BMP6: variants seen among roughly 807,000 people sequenced by gnomAD.
BMP6 encodes VG-1-R.
A neutral mutation model predicts 54.1 loss-of-function variants in BMP6; 17 were observed. The ratio of observed to expected loss-of-function variants is 0.31; its 90% confidence interval spans 0.22 to 0.47. BMP6 has a LOEUF of 0.47. Ranked by LOEUF, BMP6 falls within the 20% of genes least tolerant of loss-of-function variation. The pLI is 1.00. For synonymous variants in BMP6, 328 were observed against 291.2 expected, an observed-to-expected ratio of 1.13 and a Z score of -1.28; for missense variants, 720 against 690.4, an observed-to-expected ratio of 1.04 and a Z score of -0.48.
At chr6:7,874,115 G>A (rs573822958) in intron 4 of BMP6, among the ~76,000 whole-genome samples, 1 of 152,302 alleles carries the variant, frequency 6.6e-6, no homozygotes, top group South Asian at 2.1e-4. Context: ...GGCAGGAGAG[G>A]AAAGAGTGAG....
chr6:7,785,723 G>A (rs1297453312), intron 1 of BMP6, among the ~76,000 whole-genome samples: 1 of 152,036 alleles, frequency 6.6e-6, no homozygotes, highest in Non-Finnish European at 1.5e-5. Context: ...TGGAGGGAGA[G>A]GACATGGCTG....
At chr6:7,815,179 A>G (rs1272422959) in intron 1 of BMP6, among the ~76,000 whole-genome samples, 3 of 152,180 alleles carry the variant, frequency 2.0e-5, no homozygotes, top group African/African-American at 7.2e-5. Flanking sequence ...TTACCAAGCT[A>G]TTAGAGTCAT....
chr6:7,858,753 A>T (rs560083439), intron 2 of BMP6, among the ~76,000 whole-genome samples: 14 of 150,650 alleles, frequency 9.3e-5, no homozygotes, highest in Middle Eastern at 6.8e-3. Context: ...TGGCCCAATC[A>T]TCTTAAGTCC....
At chr6:7,875,010 T>C (rs746675159) in intron 4 of BMP6, among the ~76,000 whole-genome samples, 2 of 152,176 alleles carry the variant, frequency 1.3e-5, no homozygotes, top group Non-Finnish European at 2.9e-5. Flanking sequence ...TGAGCTGCTG[T>C]CTGCAAGCTG....
chr6:7,873,225 C>T (rs1245623087), intron 4 of BMP6, among the ~76,000 whole-genome samples: 1 of 152,206 alleles, frequency 6.6e-6, no homozygotes, highest in Admixed American at 6.5e-5. Flanking sequence ...GGCAGCCATG[C>T]TTCTGTCTGT....
chr6:7,843,714 C>A (rs1214413394), intron 1 of BMP6, among the ~76,000 whole-genome samples: 2 of 152,068 alleles, frequency 1.3e-5, no homozygotes, highest in Non-Finnish European at 2.9e-5. Flanking sequence ...GGAAACAGAG[C>A]ACTCCTTTTT....
rs553638009 is a variant in BMP6, at chr6:7,876,978, C to T, written c.1205-2096C>T. 1.2e-3 allele frequency among the ~76,000 whole-genome samples: 185 copies of T among 152,210 alleles called. 1 individual carries two copies. The highest frequency in any genetic ancestry group is 4.3e-3 in the African/African-American group (179 of 41,544). ...GCTTAGTTCAGATGACTCTTATCCA[C>T]AGTCTCTGGGGTCCTCTGGGTCTTC... On this transcript the variant is annotated intron_variant, in intron 4 of 6. Transcript: ENST00000283147.
chr6:7,861,910 G>T (rs1409613495), intron 3 of BMP6, among the ~76,000 whole-genome samples: 1 of 152,212 alleles, frequency 6.6e-6, no homozygotes, highest in Non-Finnish European at 1.5e-5. Flanking sequence ...GAGAGAGGCA[G>T]GCGCATCTGT....
At chr6:7,767,573 A>G (rs942915398) in intron 1 of BMP6, among the ~76,000 whole-genome samples, 5 of 152,128 alleles carry the variant, frequency 3.3e-5, no homozygotes, top group African/African-American at 1.2e-4. Context: ...TTTTCTCCAG[A>G]TACAAATCTG....
At chr6:7,852,827 G>A (rs1049376762) in intron 2 of BMP6, among the ~76,000 whole-genome samples, 1 of 152,178 alleles carries the variant, frequency 6.6e-6, no homozygotes, top group Non-Finnish European at 1.5e-5. Context: ...AAATGTTGGA[G>A]TTCAAGGAGG....
chr6:7,875,522 G>A (rs1225932), intron 4 of BMP6, among the ~76,000 whole-genome samples: 55,006 of 151,870 alleles, frequency 0.36, 11,024 homozygotes, highest in East Asian at 0.64. Flanking sequence ...TGCATTAAAA[G>A]TTAGCTTGTG....
chr6:7,783,626 C>T (rs891365120), intron 1 of BMP6, among the ~76,000 whole-genome samples: 1 of 152,254 alleles, frequency 6.6e-6, no homozygotes, highest in African/African-American at 2.4e-5. Flanking sequence ...AAATCAGAGG[C>T]ATTGTAAAAA....
intron 1 of BMP6, among the ~76,000 whole-genome samples, chr6:7,833,800 G>C (rs571666811): frequency 6.6e-6 from 1 of 152,182 alleles, no homozygotes; most frequent in African/African-American, 2.4e-5. Context: ...TTAGGAGTGA[G>C]AGGAATGTGT....
At chr6:7,875,804 AC>A (rs1759606878) in intron 4 of BMP6, among the ~76,000 whole-genome samples, 1 of 152,212 alleles carries the variant, frequency 6.6e-6, no homozygotes, top group Non-Finnish European at 1.5e-5. Flanking sequence ...CAGGGAACTT[AC>A]CCAATCAACA....
intron 1 of BMP6, among the ~76,000 whole-genome samples, chr6:7,731,216 CAG>C (rs1761850732): frequency 6.6e-6 from 1 of 152,216 alleles, no homozygotes; most frequent in African/African-American, 2.4e-5. Context: ...TGCATTCACT[CAG>C]GGCCACAGAT....
intron 1 of BMP6, among the ~76,000 whole-genome samples, chr6:7,817,533 T>G (rs925191430): frequency 7.4e-6 from 1 of 135,558 alleles, no homozygotes; most frequent in Non-Finnish European, 1.5e-5. Context: ...ATGAGAACAC[T>G]TGGACACAGG....
At chr6:7,774,707 A>C (rs1490121981) in intron 1 of BMP6, among the ~76,000 whole-genome samples, 2 of 150,182 alleles carry the variant, frequency 1.3e-5, no homozygotes, top group African/African-American at 5.0e-5. Flanking sequence ...AGACTCCGTC[A>C]AAAAAAAGAT....
intron 1 of BMP6, among the ~76,000 whole-genome samples, chr6:7,816,842 G>A (rs1345285069): frequency 3.3e-5 from 5 of 151,994 alleles, no homozygotes; most frequent in Non-Finnish European, 7.4e-5. Flanking sequence ...AAATAGTATA[G>A]AATGCTACGT....
At chr6:7,840,838 C>A (rs148819191) in intron 1 of BMP6, among the ~76,000 whole-genome samples, 2 of 152,246 alleles carry the variant, frequency 1.3e-5, no homozygotes, top group South Asian at 2.1e-4. Context: ...GAGAACACAG[C>A]GCCGCATTCA....
Sources: gnomAD v4.1 joint callset for allele counts (sites outside exome capture counted in the v4.1 genomes callset) on GRCh38, gnomAD v4.1.1 for gene constraint, MANE v1.5 for transcripts, NCBI Gene and HGNC (gene_info 2026-07-23, HGNC 2026-07-21) for gene names.